The following VDAC1 variants were observed in gnomAD, a reference collection of about 807,000 sequenced individuals.
VDAC1 encodes the protein voltage dependent anion channel 1.
A neutral mutation model predicts 34.7 loss-of-function variants in VDAC1; 10 were observed. That is an observed-to-expected ratio of 0.29 (90% CI 0.18 to 0.49). The LOEUF (loss-of-function observed/expected upper bound fraction) is 0.49. Ranked by LOEUF, VDAC1 falls within the 20% of genes least tolerant of loss-of-function variation. The pLI is 0.99. For synonymous variants in VDAC1, 130 were observed against 136.0 expected (o/e 0.96, Z 0.30); for missense variants, 230 against 347.9 (o/e 0.66, Z 2.69).
chr5:134,074,792 T>C, the VDAC1 span, among the ~76,000 whole-genome samples: 1 of 152,048 alleles, frequency 6.6e-6, no homozygotes, highest in Admixed American at 6.6e-5. Flanking sequence ...CATGTACTGA[T>C]GCAGGGAACT....
the VDAC1 span, among the ~76,000 whole-genome samples, chr5:134,029,334 G>T: frequency 6.6e-6 from 1 of 152,164 alleles, no homozygotes; most frequent in African/African-American, 2.4e-5. Flanking sequence ...GGGTAATAAA[G>T]GTTGATCATT....
chr5:133,980,553 G>A (rs1405627521), intron 6 of VDAC1, among the ~76,000 whole-genome samples, 176 bp downstream of exon 6: 2 of 149,804 alleles, frequency 1.3e-5, no homozygotes, highest in Non-Finnish European at 3.0e-5. Flanking sequence ...GGGTAGGTGG[G>A]AAACAAAAGA....
intron 5 of VDAC1, 71 bp downstream of exon 5, chr5:133,990,784 T>C (rs2126970954): frequency 2.7e-6 from 4 of 1,498,414 alleles, no homozygotes; most frequent in Non-Finnish European, 3.6e-6. Context: ...CAAAACATTT[T>C]GTCACAAAGG....
At chr5:134,015,841 C>T in the VDAC1 span, among the ~76,000 whole-genome samples, 2 of 152,120 alleles carry the variant, frequency 1.3e-5, no homozygotes, top group Non-Finnish European at 1.5e-5. Context: ...GACGGGGTTT[C>T]ACCATATTGG....
chr5:134,062,557 C>G, the VDAC1 span, among the ~76,000 whole-genome samples: 1 of 151,718 alleles, frequency 6.6e-6, no homozygotes, highest in South Asian at 2.1e-4. Context: ...ATACTAACCT[C>G]ATAAAGTTAA....
At chr5:134,012,788 G>A in the VDAC1 span, among the ~76,000 whole-genome samples, 3 of 151,734 alleles carry the variant, frequency 2.0e-5, no homozygotes, top group East Asian at 1.9e-4. Flanking sequence ...ATAACCAAAG[G>A]ATCCTAAGCA....
At chr5:134,108,903 C>T in the VDAC1 span, among the ~76,000 whole-genome samples, 1 of 152,182 alleles carries the variant, frequency 6.6e-6, no homozygotes, top group African/African-American at 2.4e-5. Flanking sequence ...TCTTTAATCC[C>T]TCTTCTCTCC....
the VDAC1 span, among the ~76,000 whole-genome samples, chr5:134,045,190 A>C: frequency 6.6e-6 from 1 of 152,172 alleles, no homozygotes; most frequent in East Asian, 1.9e-4. Flanking sequence ...AAATCAGAAA[A>C]ATTTTAGGCC....
chr5:133,980,706 C>CT, intron 6 of VDAC1, 23 bp downstream of exon 6: 1 of 1,203,062 alleles, frequency 8.3e-7, no homozygotes, highest in Non-Finnish European at 1.2e-6. Flanking sequence ...CCCTCCCACC[C>CT]TGCTGCCCCC....
the VDAC1 span, among the ~76,000 whole-genome samples, chr5:134,108,273 C>T: frequency 6.6e-6 from 1 of 152,280 alleles, no homozygotes; most frequent in East Asian, 1.9e-4. Context: ...ACACATTGGA[C>T]CATTATGCAA....
chr5:134,000,595 G>A (rs73275126), intron 1 of VDAC1, among the ~76,000 whole-genome samples: 2,814 of 152,220 alleles, frequency 0.018, 30 homozygotes, highest in Non-Finnish European at 0.023. Flanking sequence ...AGGAAGCCTC[G>A]GGAATCAAAT....
the VDAC1 span, among the ~76,000 whole-genome samples, chr5:134,098,204 T>TATTATTATC: frequency 9.3e-3 from 676 of 72,660 alleles, 2 homozygotes; most frequent in Non-Finnish European, 0.015. Context: ...TTATTATTAT[T>TATTATTATC]ATTATTTTGA....
chr5:134,050,413 C>T, the VDAC1 span, among the ~76,000 whole-genome samples: 1 of 152,198 alleles, frequency 6.6e-6, no homozygotes, highest in Non-Finnish European at 1.5e-5. Context: ...AGTTCTTCAG[C>T]ACACCCTTTG....
the VDAC1 span, among the ~76,000 whole-genome samples, chr5:134,079,621 C>G: frequency 6.6e-6 from 1 of 152,232 alleles, no homozygotes; most frequent in Non-Finnish European, 1.5e-5. Flanking sequence ...GCATTTCAAT[C>G]TAAATTAGTT....
chr5:134,007,346 G>A (rs1753773950), upstream of VDAC1, among the ~76,000 whole-genome samples: 1 of 152,168 alleles, frequency 6.6e-6, no homozygotes, highest in Non-Finnish European at 1.5e-5. Flanking sequence ...AAGGAGGTAG[G>A]ATGGCTTGAG....
Position 133,983,220 on chromosome 5 carries a change from C to A in VDAC1, c.324-2264G>T, listed in dbSNP as rs554880269. Among the ~76,000 whole-genome samples the A allele has an allele frequency of 3.3e-5, 5 of 150,860 alleles. No homozygotes were observed. In the South Asian group the frequency reaches 8.4e-4, roughly 25 times the overall value. On this transcript the variant is annotated intron_variant, in intron 5 of 8. Coordinates refer to ENST00000265333, the MANE Select transcript of VDAC1 (RefSeq NM_003374.3). Reference sequence around the variant, plus strand: ...CTGAGATCGCACCATTGCACTCCAGCCTGGGCAACAAGAGTGAAACTCCAT... The same window carrying A: ...CTGAGATCGCACCATTGCACTCCAGACTGGGCAACAAGAGTGAAACTCCAT...
At chr5:134,077,276 CAAAAA>C in the VDAC1 span, among the ~76,000 whole-genome samples, 1,392 of 101,132 alleles carry the variant, frequency 0.014, 14 homozygotes, top group African/African-American at 0.039. Context: ...GACTCCATCT[CAAAAA>C]AAAAAAAAAA....
At chr5:134,020,899 T>G in the VDAC1 span, among the ~76,000 whole-genome samples, 1 of 151,866 alleles carries the variant, frequency 6.6e-6, no homozygotes, top group African/African-American at 2.4e-5. Context: ...GGCTCACTCT[T>G]GTAATCCCAG....
intron 8 of VDAC1, 92 bp downstream of exon 8, chr5:133,973,699 T>C: frequency 2.5e-6 from 3 of 1,214,570 alleles, no homozygotes; most frequent in Non-Finnish European, 1.2e-6. Flanking sequence ...CTGTATTATA[T>C]AAACATTTTA....
Sources: gnomAD v4.1 joint callset for allele counts (sites outside exome capture counted in the v4.1 genomes callset) on GRCh38, gnomAD v4.1.1 for gene constraint, MANE v1.5 for transcripts, NCBI Gene and HGNC (gene_info 2026-07-23, HGNC 2026-07-21) for gene names.